Variants in CACNA1C observed in about 807,000 individuals in gnomAD.
CACNA1C encodes the protein voltage-dependent L-type calcium channel subunit alpha-1C.
CACNA1C carries 30 observed loss-of-function variants against 229.0 expected under a neutral mutation model. That is an observed-to-expected ratio of 0.13 (90% CI 0.10 to 0.18). The LOEUF (loss-of-function observed/expected upper bound fraction) is 0.18. Among genes scored for constraint, CACNA1C ranks in the 10% least tolerant of loss-of-function variants. CACNA1C has a pLI of 1.00. For missense variants in CACNA1C, 1,658 were observed against 2,845.0 expected (o/e 0.58, Z 9.49); for synonymous variants, 1,114 against 1,132.5 (o/e 0.98, Z 0.33).
intron 30 of CACNA1C, among the ~76,000 whole-genome samples, chr12:2,645,538 TC>T (rs1218614821): frequency 2.0e-5 from 3 of 152,084 alleles, no homozygotes; most frequent in Admixed American, 6.5e-5. Context: ...GCAAGTCCAA[TC>T]TCTCCTTCCA....
Position 2,034,973 on chromosome 12 carries a change from G to T in CACNA1C, c.139+63772G>T, listed in dbSNP as rs2048841875. Among the ~76,000 whole-genome samples, 1 of 152,238 alleles carries T rather than the reference G, an allele frequency of 6.6e-6. No homozygotes were observed. Among genetic ancestry groups the T allele is most frequent in the African/African-American group, 2.4e-5 (1 of 41,466 alleles). On this transcript the variant is annotated intron_variant, in intron 1 of 46. Transcript: ENST00000682462. This position sits in a 1 kb window ranked among gnomAD's most constrained non-coding sequence, Gnocchi z 4.1. ...GGCGAGGGGGTGAAGAGGAGAAGGA[G>T]GTCTGGGCACTGGAAGCGGCACACG...
At chr12:2,466,106 C>G (rs2099548896) in intron 5 of CACNA1C, among the ~76,000 whole-genome samples, 1 of 152,118 alleles carries the variant, frequency 6.6e-6, no homozygotes, top group Non-Finnish European at 1.5e-5. Flanking sequence ...GATTAGTCAC[C>G]GTGAAACTGG....
chr12:2,667,475 A>G (rs1337820060), intron 37 of CACNA1C, among the ~76,000 whole-genome samples: 1 of 152,214 alleles, frequency 6.6e-6, no homozygotes, highest in Non-Finnish European at 1.5e-5. Context: ...AGAACCTTCT[A>G]CTTGTGCTCT....
At chr12:2,282,333 G>A (rs1332168357) in intron 3 of CACNA1C, among the ~76,000 whole-genome samples, 1 of 152,162 alleles carries the variant, frequency 6.6e-6, no homozygotes, top group African/African-American at 2.4e-5. Context: ...AGTAAGGAGA[G>A]TCCTGTGAGC....
At chr12:2,280,987 G>A (rs988726376) in intron 3 of CACNA1C, among the ~76,000 whole-genome samples, 1 of 152,052 alleles carries the variant, frequency 6.6e-6, no homozygotes, top group Non-Finnish European at 1.5e-5. Context: ...TATACTTTAA[G>A]TTTTAGGGTA....
rs2099740845 is a variant in CACNA1C, at chr12:2,493,658, G to A, written c.1113+272G>A. Reference sequence around the variant, plus strand: ...CACAGTGCAAAACCCTGGTGTGCAGGCATGGATGAGCTGGCCAGGCTGGCA... The same window carrying A: ...CACAGTGCAAAACCCTGGTGTGCAGACATGGATGAGCTGGCCAGGCTGGCA... On this transcript the variant is annotated intron_variant, in intron 7 of 46. Transcript: ENST00000399655. This position sits in a 1 kb window ranked among gnomAD's most constrained non-coding sequence, Gnocchi z 4.6. Among the ~76,000 whole-genome samples the A allele has an allele frequency of 6.6e-6, 1 of 152,146 alleles. No individual in the cohort carries two copies. Among genetic ancestry groups the A allele is most frequent in the African/African-American group, 2.4e-5 (1 of 41,420 alleles).
intron 30 of CACNA1C, among the ~76,000 whole-genome samples, chr12:2,645,333 C>T (rs540024866): frequency 7.0e-4 from 106 of 152,298 alleles, no homozygotes; most frequent in African/African-American, 1.4e-3. Context: ...CTCAGGGCAC[C>T]GGCAGCAAAT....
At chr12:2,171,170 G>A (rs1462544383) in intron 3 of CACNA1C, among the ~76,000 whole-genome samples, 1 of 152,242 alleles carries the variant, frequency 6.6e-6, no homozygotes, top group Non-Finnish European at 1.5e-5. Flanking sequence ...GGGAAGGGCA[G>A]GGGCAGCCTG....
At chr12:2,018,983 G>T (rs1048074732) in intron 1 of CACNA1C, among the ~76,000 whole-genome samples, 12 of 152,094 alleles carry the variant, frequency 7.9e-5, no homozygotes, top group African/African-American at 2.9e-4. Flanking sequence ...TCTAATGAGG[G>T]AGCAAAATGT....
In CACNA1C at chr12:2,152,484, G is replaced by C. The variant is rs2095333909; in HGVS notation, c.477+32054G>C. On this transcript the variant is annotated intron_variant, in intron 3 of 46. Coordinates refer to ENST00000399655, the MANE Select transcript of CACNA1C (RefSeq NM_000719.7). The surrounding 1 kb of genome is among the most constrained non-coding windows in gnomAD (Gnocchi z 4.2). ...GTGAGGAGCCATTTCATATCATGCA[G>C]ACTAAAAGACCCTTTCCAGGTGCTG... 6.6e-6 allele frequency among the ~76,000 whole-genome samples: 1 copy of C among 152,162 alleles called. No homozygotes were observed. Among genetic ancestry groups the C allele is most frequent in the Non-Finnish European group, 1.5e-5 (1 of 68,028 alleles).
intron 3 of CACNA1C, among the ~76,000 whole-genome samples, chr12:2,263,335 C>G (rs2081097066): frequency 6.6e-6 from 1 of 151,874 alleles, no homozygotes; most frequent in Admixed American, 6.6e-5. Flanking sequence ...CAGGTAGGAG[C>G]AGGGAGGAGG....
intron 3 of CACNA1C, among the ~76,000 whole-genome samples, chr12:2,135,811 T>C (rs1257212794): frequency 6.8e-6 from 1 of 146,700 alleles, no homozygotes; most frequent in African/African-American, 2.7e-5. Context: ...CAGGCAGGCC[T>C]CCTTGAGCTG....
chr12:2,652,377 C>A (rs1173728409), intron 32 of CACNA1C, among the ~76,000 whole-genome samples: 1 of 152,238 alleles, frequency 6.6e-6, no homozygotes, highest in Non-Finnish European at 1.5e-5. Flanking sequence ...TCAGCCCCTG[C>A]CAGCTCGGAG....
At chr12:2,483,866 ACT>A (rs1020951225) in intron 5 of CACNA1C, among the ~76,000 whole-genome samples, 2 of 152,088 alleles carry the variant, frequency 1.3e-5, no homozygotes, top group African/African-American at 4.8e-5. Context: ...AGGCCCTGAA[ACT>A]CACCTGTCCC....
intron 11 of CACNA1C, among the ~76,000 whole-genome samples, chr12:2,561,828 A>G (rs1329206407): frequency 6.6e-6 from 1 of 152,204 alleles, no homozygotes; most frequent in African/African-American, 2.4e-5. Context: ...AGAGAAAATG[A>G]CTTCCAGTTA....
At chr12:2,470,670 A>G (rs2099586590) in intron 5 of CACNA1C, among the ~76,000 whole-genome samples, 1 of 152,096 alleles carries the variant, frequency 6.6e-6, no homozygotes, top group Non-Finnish European at 1.5e-5. Context: ...TGCTTCCTGG[A>G]GTTGTTGTGA....
intron 1 of CACNA1C, among the ~76,000 whole-genome samples, chr12:2,098,633 T>G (rs1335572038): frequency 3.3e-5 from 5 of 152,244 alleles, no homozygotes; most frequent in Non-Finnish European, 7.3e-5. Context: ...TCTGGAGAGA[T>G]CCATTAATAT....
At chr12:2,626,976 A>C (rs539093985) in intron 29 of CACNA1C, among the ~76,000 whole-genome samples, 2 of 152,306 alleles carry the variant, frequency 1.3e-5, no homozygotes, top group African/African-American at 4.8e-5. Flanking sequence ...CCAAAGAAAA[A>C]TGGGAGCAGA....
chr12:2,447,009 T>A (rs767893918), intron 3 of CACNA1C, among the ~76,000 whole-genome samples: 1 of 152,148 alleles, frequency 6.6e-6, no homozygotes, highest in Non-Finnish European at 1.5e-5. Flanking sequence ...CAGCTTCACC[T>A]TTCTGGGAAT....
Sources: gnomAD v4.1 joint callset for allele counts (sites outside exome capture counted in the v4.1 genomes callset) on GRCh38, gnomAD v4.1.1 for gene constraint, Gnocchi (gnomAD v3.1) non-coding constraint, MANE v1.5 for transcripts, NCBI Gene and HGNC (gene_info 2026-07-23, HGNC 2026-07-21) for gene names.